The following C9orf50 variants were observed in gnomAD, a reference collection of about 807,000 sequenced individuals.
The protein encoded by C9orf50 is uncharacterized protein C9orf50.
In C9orf50, 33 loss-of-function variants were observed where a neutral mutation model predicts 42.5. The ratio of observed to expected loss-of-function variants is 0.78; its 90% confidence interval spans 0.59 to 1.04. C9orf50 has a LOEUF of 1.04. Among genes scored for constraint, C9orf50 ranks in the 50% least tolerant of loss-of-function variants. C9orf50 has a pLI of 0.00. For missense variants in C9orf50, 547 were observed against 594.3 expected, an observed-to-expected ratio of 0.92 and a Z score of 0.83; for synonymous variants, 257 against 273.4, an observed-to-expected ratio of 0.94 and a Z score of 0.59.
intron 3 of C9orf50, among the ~76,000 whole-genome samples, chr9:129,616,239 A>G (rs1269398869): frequency 6.6e-6 from 1 of 152,188 alleles, no homozygotes; most frequent in African/African-American, 2.4e-5. Flanking sequence ...TTTTTGAGAC[A>G]GATTCTCGCT....
upstream of C9orf50, chr9:129,620,914 A>C (rs1830677112): frequency 4.1e-6 from 1 of 245,392 alleles, no homozygotes; most frequent in Non-Finnish European, 7.7e-6. The surrounding 1 kb of genome is among the most constrained non-coding windows in gnomAD (Gnocchi z 5.8). Context: ...TGCCATTCTT[A>C]GTATTTCAAA....
upstream of C9orf50, among the ~76,000 whole-genome samples, chr9:129,621,808 C>G (rs1830730474): frequency 3.9e-5 from 6 of 152,218 alleles, no homozygotes; most frequent in South Asian, 1.0e-3. Flanking sequence ...TGAGCTGACT[C>G]CTGGGCAGTG....
intron 3 of C9orf50, among the ~76,000 whole-genome samples, chr9:129,619,234 C>T (rs10988453): frequency 0.56 from 84,338 of 151,880 alleles, 24,155 homozygotes; most frequent in Non-Finnish European, 0.65. Flanking sequence ...GAGATGGATG[C>T]AAAGATGGAT....
At position 129,620,088 on chromosome 9, in the gene C9orf50, C is replaced by A; in HGVS notation, c.487G>T (p.Ala163Ser). Reference sequence around the variant, plus strand: ...TCACTCAGTGGCTCCGGCTCCTCGGCGCACTTCTCCTGGAGCTGGTGCAGG... The same window carrying A: ...TCACTCAGTGGCTCCGGCTCCTCGGAGCACTTCTCCTGGAGCTGGTGCAGG... The change falls in exon 1 of 7, where the codon GCC (alanine) becomes TCC (serine). Residue 163 changes from alanine to serine, a missense_variant. This residue lies in a region of C9orf50 where 108 missense variants were observed against 172.1 expected (regional missense o/e 0.63). Coordinates refer to ENST00000372478, the Ensembl canonical transcript of C9orf50. This position sits in a 1 kb window ranked among gnomAD's most constrained non-coding sequence, Gnocchi z 5.8. 6.9e-7 allele frequency: 1 copy of A among 1,451,708 alleles called. No individual in the cohort carries two copies. The highest frequency in any genetic ancestry group is 9.1e-7 in the Non-Finnish European group (1 of 1,099,724). 89.9% of individuals were successfully genotyped at this position (1,451,708 alleles called of 1,614,324 possible). A position where few individuals can be genotyped will look rare whatever the true frequency, so the allele number is the denominator to read the frequency against.
rs1041034371 is a variant in C9orf50 at position 129,620,077 on chromosome 9, C to G, written c.498G>C (p.Pro166=). The G allele has an allele frequency of 6.2e-6, 9 of 1,450,882 alleles. No individual in the cohort carries two copies. Among genetic ancestry groups the G allele is most frequent in the Non-Finnish European group, 8.2e-6 (9 of 1,099,490 alleles). The allele number at this position is 1,450,882 out of a possible 1,614,324, so 89.9% of individuals were successfully genotyped here. A position where few individuals can be genotyped will look rare whatever the true frequency, so the allele number is the denominator to read the frequency against. ...CCCGCGGGGCCTCACTCAGTGGCTC[C>G]GGCTCCTCGGCGCACTTCTCCTGGA... The change falls in exon 1 of 7, where the codon CCG becomes CCC. Residue 166 remains proline, a synonymous_variant. Transcript: ENST00000372478. This position sits in a 1 kb window ranked among gnomAD's most constrained non-coding sequence, Gnocchi z 5.8.
Position 129,613,105 on chromosome 9 carries a change from A to G in C9orf50, c.1188+2T>C. 2 of 1,613,732 alleles carry G rather than the reference A, an allele frequency of 1.2e-6. No homozygotes were observed. Among genetic ancestry groups the G allele is most frequent in the Non-Finnish European group, 1.7e-6 (2 of 1,179,988 alleles). On this transcript the variant is annotated splice_donor_variant, in intron 6 of 6. Coordinates refer to ENST00000372478, the Ensembl canonical transcript of C9orf50. LOFTEE classifies it high-confidence loss of function. This position sits in a 1 kb window ranked among gnomAD's most constrained non-coding sequence, Gnocchi z 6.2. Reference sequence around the variant, plus strand: ...GGTCCAGGAGCAAGACCATTTGCCCACCTGCTCCAGGTTTCTGTGCGGGTC... The same window carrying G: ...GGTCCAGGAGCAAGACCATTTGCCCGCCTGCTCCAGGTTTCTGTGCGGGTC...
At position 129,617,125 on chromosome 9, in the gene C9orf50, C is replaced by T. The variant is rs574989455; in HGVS notation, c.717-1478G>A. Among the ~76,000 whole-genome samples the T allele has an allele frequency of 6.2e-4, 95 of 152,298 alleles. 1 individual carries two copies. The highest frequency in any genetic ancestry group is 6.1e-3 in the Admixed American group (94 of 15,292). ...AAGGCTGCGGGAAGGCCTGCTTGAC[C>T]CACCTATAACTCTGTTATGGAGGAA... On this transcript the variant is annotated intron_variant, in intron 3 of 6. Transcript: ENST00000372478.
At chr9:129,621,738 G>A (rs534167835), upstream of C9orf50, among the ~76,000 whole-genome samples, 29 of 152,160 alleles carry the variant, frequency 1.9e-4, no homozygotes, top group African/African-American at 7.0e-4. Flanking sequence ...CTCTGACACT[G>A]AGGGGTTTCT....
intron 3 of C9orf50, among the ~76,000 whole-genome samples, chr9:129,616,218 T>C (rs552153652): frequency 1.3e-5 from 2 of 152,178 alleles, no homozygotes; most frequent in African/African-American, 4.8e-5. Flanking sequence ...CTGTTTTTTG[T>C]TTTTGTTTTG....
chr9:129,617,383 T>A (rs1293484383), intron 3 of C9orf50, among the ~76,000 whole-genome samples: 1 of 152,194 alleles, frequency 6.6e-6, no homozygotes, highest in African/African-American at 2.4e-5. Flanking sequence ...GGCAAAGGCA[T>A]AACCCAGCTC....
At position 129,613,241 on chromosome 9, in the gene C9orf50, T is replaced by C; in HGVS notation, c.1054A>G (p.Lys352Glu). 1 of 1,608,234 alleles carries C rather than the reference T, an allele frequency of 6.2e-7. No homozygotes were observed. ...TCCTCAGAAAGGTAGCCCTGTGTCT[T>C]CTGGGTGGACCTGGGGGAGACAGGA... Residue 352 changes from lysine to glutamate, a missense_variant, in exon 6 of 7, where the codon AAG becomes GAG. Lys to Glu is a moderately conservative substitution (Grantham distance 56). Around this residue, in one of 3 missense-constraint regions of C9orf50, gnomAD observed 334 missense variants for 323.7 expected, o/e 1.03. Coordinates refer to ENST00000372478, the Ensembl canonical transcript of C9orf50. This position sits in a 1 kb window ranked among gnomAD's most constrained non-coding sequence, Gnocchi z 6.2.
chr9:129,617,800 C>G (rs1329603928), intron 3 of C9orf50, among the ~76,000 whole-genome samples: 5 of 152,216 alleles, frequency 3.3e-5, no homozygotes, highest in Non-Finnish European at 2.9e-5. Flanking sequence ...CCTCCCACCT[C>G]AGCCTCCCGA....
At chr9:129,612,648 C>T (rs1214642529) in intron 6 of C9orf50, among the ~76,000 whole-genome samples, 194 bp from the exon 7 acceptor site, 2 of 152,210 alleles carry the variant, frequency 1.3e-5, no homozygotes, top group Non-Finnish European at 2.9e-5. Context: ...GAGGCCAAGG[C>T]GGACAGATCA....
At position 129,612,496 on chromosome 9, in the gene C9orf50, C is replaced by T. The variant is rs369925603; in HGVS notation, c.1189-42G>A. On this transcript the variant is annotated intron_variant, in intron 6 of 6. Coordinates refer to ENST00000372478, the Ensembl canonical transcript of C9orf50. ...GACCAGCTGGCTGCTACCAGGACCT[C>T]GGGGCAGGGGACTGGGCTCCCAGTG... The T allele has an allele frequency of 4.1e-5, 62 of 1,514,680 alleles. 1 individual carries two copies. In the African/African-American group the frequency reaches 6.3e-4, roughly 15 times the overall value. 93.8% of individuals were successfully genotyped at this position (1,514,680 alleles called of 1,614,324 possible).
upstream of C9orf50, among the ~76,000 whole-genome samples, chr9:129,621,343 C>CTTG (rs1356481201): frequency 2.0e-5 from 3 of 152,092 alleles, no homozygotes; most frequent in Non-Finnish European, 2.9e-5. Flanking sequence ...GTTTGTTGTT[C>CTTG]TTGTTGTTGT....
intron 3 of C9orf50, among the ~76,000 whole-genome samples, chr9:129,616,459 A>AC (rs1269352804): frequency 2.0e-5 from 3 of 151,362 alleles, no homozygotes; most frequent in Admixed American, 6.6e-5. Flanking sequence ...CAAGTGATCC[A>AC]CCCCCCTTCG....
At chr9:129,612,955 GGCGTGGCCACT>G in intron 6 of C9orf50, 141 bp downstream of exon 6, 2 of 917,332 alleles carry the variant, frequency 2.2e-6, no homozygotes, top group Non-Finnish European at 3.2e-6. Context: ...AGGAACACAG[GGCGTGGCCACT>G]GCAAGCCCCC....
chr9:129,621,195 G>C (rs1830691641), upstream of C9orf50, among the ~76,000 whole-genome samples: 1 of 152,232 alleles, frequency 6.6e-6, no homozygotes, highest in Non-Finnish European at 1.5e-5. Flanking sequence ...ACCAGCTTGA[G>C]GGAAGAGAGA....
chr9:129,613,654 C>T lies in C9orf50; in HGVS notation c.881-57G>A, dbSNP rs1830199844. ...CCCAGGAGGAGGGCACTGGTGCCCC[C>T]ACCCTCTTTTCCTCCCTCTGGCAGG... On this transcript the variant is annotated intron_variant, in intron 4 of 6. Coordinates refer to ENST00000372478, the Ensembl canonical transcript of C9orf50. This position sits in a 1 kb window ranked among gnomAD's most constrained non-coding sequence, Gnocchi z 6.2. The T allele has an allele frequency of 1.5e-5, 24 of 1,602,988 alleles. No individual in the cohort carries two copies. The highest frequency in any genetic ancestry group is 2.0e-5 in the Non-Finnish European group (24 of 1,173,276).
Sources: allele counts gnomAD v4.1 joint callset (sites outside exome capture counted in the v4.1 genomes callset), GRCh38; gene constraint gnomAD v4.1.1; regional missense constraint gnomAD v4.1.1; non-coding constraint Gnocchi (gnomAD v3.1); transcripts MANE v1.5; gene names NCBI Gene and HGNC (gene_info 2026-07-23, HGNC 2026-07-21).